LRRC37A2: variants seen among roughly 807,000 people sequenced by gnomAD.
LRRC37A2 encodes leucine rich repeat containing 37 member A2.
Under a neutral mutation model 68.8 loss-of-function variants are expected in LRRC37A2, and 9 were observed. The observed-to-expected ratio is 0.13, with a 90% confidence interval of 0.08 to 0.23. The LOEUF is 0.23. Ranked by LOEUF, LRRC37A2 falls within the 10% of genes least tolerant of loss-of-function variation. The pLI is 1.00. For synonymous variants in LRRC37A2, 63 were observed against 367.6 expected (o/e 0.17, Z 9.48); for missense variants, 168 against 950.4 (o/e 0.18, Z 10.82).
the LRRC37A2 span, among the ~76,000 whole-genome samples, chr17:46,673,911 GT>G: frequency 0.048 from 262 of 5,484 alleles, 114 homozygotes; most frequent in African/African-American, 0.1. Context: ...TTCCATGGGG[GT>G]GTGTGTGTGT....
chr17:46,842,144 G>A, the LRRC37A2 span, among the ~76,000 whole-genome samples: 1 of 152,248 alleles, frequency 6.6e-6, no homozygotes, highest in Non-Finnish European at 1.5e-5. Flanking sequence ...TGGGATTAAA[G>A]GCTTGGGAAG....
At chr17:47,012,642 C>A in the LRRC37A2 span, among the ~76,000 whole-genome samples, 2 of 152,292 alleles carry the variant, frequency 1.3e-5, no homozygotes, top group Non-Finnish European at 1.5e-5. Context: ...ACATTCATAA[C>A]CATCCAGGAA....
chr17:46,806,879 C>T, the LRRC37A2 span, among the ~76,000 whole-genome samples: 7 of 152,334 alleles, frequency 4.6e-5, no homozygotes, highest in African/African-American at 1.7e-4. Flanking sequence ...TTGGCCCTCA[C>T]GATGGCTGCT....
chr17:46,737,552 G>A, the LRRC37A2 span, among the ~76,000 whole-genome samples: 1 of 145,274 alleles, frequency 6.9e-6, no homozygotes, highest in Non-Finnish European at 1.5e-5. Context: ...TTTCTAATTT[G>A]TTCACCTAGG....
At chr17:46,875,322 C>G in the LRRC37A2 span, 1 of 1,613,156 alleles carries the variant, frequency 6.2e-7, no homozygotes, top group Admixed American at 1.7e-5. Flanking sequence ...AAACAAGGAC[C>G]TGCGGGCACG....
At chr17:46,558,581 C>T (rs904298626), downstream of LRRC37A2, among the ~76,000 whole-genome samples, 31 of 113,796 alleles carry the variant, frequency 2.7e-4, no homozygotes, top group Non-Finnish European at 4.0e-4. Context: ...TTTCTAAAAA[C>T]AGTTTCACCA....
the LRRC37A2 span, among the ~76,000 whole-genome samples, chr17:46,463,903 ATCTATCCTACCATT>A: frequency 9.9e-6 from 1 of 100,770 alleles, no homozygotes; most frequent in Admixed American, 9.9e-5. Context: ...TACTGAATTA[ATCTATCCTACCATT>A]TAAAATTTTT....
At chr17:46,929,048 CATT>C in the LRRC37A2 span, among the ~76,000 whole-genome samples, 10 of 152,222 alleles carry the variant, frequency 6.6e-5, no homozygotes, top group East Asian at 3.9e-4. Context: ...TGTCATTCCT[CATT>C]ATGTTGTTTC....
At chr17:46,501,816 A>G in the LRRC37A2 span, among the ~76,000 whole-genome samples, 17 of 151,350 alleles carry the variant, frequency 1.1e-4, no homozygotes, top group African/African-American at 3.2e-4. Flanking sequence ...CCTATTGTCT[A>G]TATTCCATTT....
the LRRC37A2 span, among the ~76,000 whole-genome samples, chr17:46,848,824 C>G: frequency 6.6e-6 from 1 of 152,220 alleles, no homozygotes; most frequent in African/African-American, 2.4e-5. Flanking sequence ...TCAGCTCTCC[C>G]AGCCTCTGTT....
the LRRC37A2 span, among the ~76,000 whole-genome samples, chr17:47,003,148 G>A: frequency 1.3e-5 from 2 of 150,966 alleles, no homozygotes; most frequent in Non-Finnish European, 2.9e-5. Context: ...TACTCAGGAG[G>A]CTGAGGCAGG....
At chr17:46,789,514 C>A in the LRRC37A2 span, among the ~76,000 whole-genome samples, 1 of 152,212 alleles carries the variant, frequency 6.6e-6, no homozygotes, top group Non-Finnish European at 1.5e-5. Context: ...GATGATGCAG[C>A]AGGAAGGCCC....
chr17:47,000,076 A>AAATAT, the LRRC37A2 span, among the ~76,000 whole-genome samples: 39 of 25,524 alleles, frequency 1.5e-3, 1 homozygote, highest in East Asian at 2.4e-3. Flanking sequence ...AAATAAAATA[A>AAATAT]AAAATAAAAT....
At chr17:46,881,375 C>T in the LRRC37A2 span, among the ~76,000 whole-genome samples, 2 of 152,246 alleles carry the variant, frequency 1.3e-5, no homozygotes, top group African/African-American at 4.8e-5. Flanking sequence ...CGTCCACATG[C>T]AGCAGCAGGC....
the LRRC37A2 span, among the ~76,000 whole-genome samples, chr17:46,676,566 A>G: frequency 1.4e-5 from 2 of 144,822 alleles, no homozygotes; most frequent in African/African-American, 5.5e-5. Context: ...ATCCTTGTTC[A>G]TGCTGGTTTA....
intron 6 of LRRC37A2, among the ~76,000 whole-genome samples, chr17:46,530,258 C>T (rs866144610): frequency 4.7e-3 from 546 of 116,094 alleles, no homozygotes; most frequent in African/African-American, 0.014. Context: ...GGGTAGCCGA[C>T]TTTGTACAGA....
At chr17:46,755,210 G>GT in the LRRC37A2 span, 1 of 797,442 alleles carries the variant, frequency 1.3e-6, no homozygotes, top group Admixed American at 1.9e-5. Context: ...TGACCTAGCA[G>GT]AGCATTGATG....
chr17:46,774,192 G>C, the LRRC37A2 span, among the ~76,000 whole-genome samples: 1 of 152,264 alleles, frequency 6.6e-6, no homozygotes, highest in Non-Finnish European at 1.5e-5. Flanking sequence ...CATGAAAAGA[G>C]GTTTGGACTA....
the LRRC37A2 span, among the ~76,000 whole-genome samples, chr17:46,569,215 T>C: frequency 4.0e-5 from 6 of 151,726 alleles, no homozygotes; most frequent in Non-Finnish European, 8.8e-5. Context: ...CCCAAAGTGC[T>C]GGGATTACAG....
Sources: gnomAD v4.1 joint callset for allele counts (sites outside exome capture counted in the v4.1 genomes callset) on GRCh38, gnomAD v4.1.1 for gene constraint, MANE v1.5 for transcripts, NCBI Gene and HGNC (gene_info 2026-07-23, HGNC 2026-07-21) for gene names.